PDK1: variants seen among roughly 807,000 people sequenced by gnomAD.
PDK1 encodes the protein pyruvate dehydrogenase kinase 1, also known as [Pyruvate dehydrogenase (acetyl-transferring)] kinase isozyme 1, mitochondrial.
PDK1 carries 39 observed loss-of-function variants against 54.2 expected under a neutral mutation model. That is an observed-to-expected ratio of 0.72 (90% CI 0.56 to 0.94). PDK1 has a LOEUF of 0.94. Among genes scored for constraint, PDK1 ranks in the 40% least tolerant of loss-of-function variants. The probability of loss-of-function intolerance (pLI) is 0.00; values close to 1 mark genes in which losing one functional copy is unlikely to be tolerated. For missense variants in PDK1, 552 were observed against 566.0 expected (o/e 0.98, Z 0.25); for synonymous variants, 221 against 207.1 (o/e 1.07, Z -0.58).
chr2:172,562,226 C>T lies in PDK1; in HGVS notation c.345C>T (p.Ile115=), dbSNP rs749151496. 5 of 1,568,724 alleles carry T rather than the reference C, an allele frequency of 3.2e-6. No homozygotes were observed. In the African/African-American group the frequency reaches 5.4e-5, roughly 17 times the overall value. ...CTATTGATCTGCATTTTAGGTATAT[C>T]CAGAGTCTTCAGGAGCTTCTTGATT... ...PSVQLVQSWY[I]QSLQELLDFK... is the part of the protein sequence containing the mutation. The change falls in exon 3 of 11, where the codon ATC becomes ATT. Residue 115 remains isoleucine, a synonymous_variant. Coordinates refer to ENST00000282077, the MANE Select transcript of PDK1 (RefSeq NM_002610.5).
chr2:172,595,391 C>T (rs755870478), intron 10 of PDK1, among the ~76,000 whole-genome samples: 20 of 151,996 alleles, frequency 1.3e-4, no homozygotes, highest in Non-Finnish European at 2.2e-4. Flanking sequence ...TTTTTTAAAG[C>T]ACAGTGACTA....
At chr2:172,687,022 C>T in the PDK1 span, among the ~76,000 whole-genome samples, 1 of 152,084 alleles carries the variant, frequency 6.6e-6, no homozygotes, top group African/African-American at 2.4e-5. Flanking sequence ...GGAATATAAG[C>T]ACTTTTTGTA....
At chr2:172,668,894 C>CACACACACAT in the PDK1 span, among the ~76,000 whole-genome samples, 17 of 113,192 alleles carry the variant, frequency 1.5e-4, no homozygotes, top group East Asian at 6.7e-3. Context: ...CACACACACA[C>CACACACACAT]ATATATATAT....
In PDK1 at chr2:172,568,351, G is replaced by A. The variant is rs374084105; in HGVS notation, c.770-390G>A. Among the ~76,000 whole-genome samples, 780 of 119,480 alleles carry A rather than the reference G, an allele frequency of 6.5e-3. 8 individuals carry two copies. Among genetic ancestry groups the A allele is most frequent in the African/African-American group, 0.025 (694 of 28,122 alleles). The allele number at this position is 119,480 out of a possible 152,430, so 78.4% of individuals were successfully genotyped here. A position where few individuals can be genotyped will look rare whatever the true frequency, so the allele number is the denominator to read the frequency against. Reference sequence around the variant, plus strand: ...TCAAAAAAAAAAAAAAAAAAAAAAAGAAGAAGAAGAATGTATGCATGCATG... The same window carrying A: ...TCAAAAAAAAAAAAAAAAAAAAAAAAAAGAAGAAGAATGTATGCATGCATG... On this transcript the variant is annotated intron_variant, in intron 6 of 10. Transcript: ENST00000282077.
chr2:172,571,745 G>C (rs1006567886), intron 8 of PDK1, among the ~76,000 whole-genome samples: 5 of 150,850 alleles, frequency 3.3e-5, no homozygotes, highest in Admixed American at 3.3e-4. Flanking sequence ...AATAAATGCA[G>C]AGACTATAAA....
chr2:172,558,929 CTT>C, intron 2 of PDK1, 80 bp downstream of exon 2: 2 of 1,326,954 alleles, frequency 1.5e-6, no homozygotes, highest in Non-Finnish European at 2.1e-6. Context: ...TTTTTTTACT[CTT>C]TGGTGGAATC....
chr2:172,561,431 A>G (rs1391145629), intron 2 of PDK1, among the ~76,000 whole-genome samples: 1 of 152,238 alleles, frequency 6.6e-6, no homozygotes, highest in Non-Finnish European at 1.5e-5. Context: ...AAGCACTTCC[A>G]TTGCTCCTAG....
At chr2:172,694,839 G>A in the PDK1 span, among the ~76,000 whole-genome samples, 8 of 152,284 alleles carry the variant, frequency 5.3e-5, no homozygotes, top group African/African-American at 1.7e-4. Flanking sequence ...TTGGTAGGCC[G>A]GGCATGGTGG....
chr2:172,581,058 A>G (rs1689876586), intron 8 of PDK1, among the ~76,000 whole-genome samples: 1 of 151,914 alleles, frequency 6.6e-6, no homozygotes, highest in South Asian at 2.1e-4. Context: ...CCATTCAATT[A>G]TATACTTTAA....
In PDK1 at chr2:172,601,822, G is replaced by A. The variant is rs1160667759; in HGVS notation, c.*5853G>A. 1 of 152,034 alleles carries A rather than the reference G, an allele frequency of 6.6e-6. No homozygotes were observed. The highest frequency in any genetic ancestry group is 2.4e-5 in the African/African-American group (1 of 41,388). The allele number at this position is 152,034 out of a possible 1,614,324, so 9.4% of individuals were successfully genotyped here. On this transcript the variant is annotated 3_prime_UTR_variant, in exon 11 of 11. Coordinates refer to ENST00000282077, the MANE Select transcript of PDK1 (RefSeq NM_002610.5). ...AAACCTCCAGTCAGGAAAGGAAAAG[G>A]CCCAAATAAACAGTATTTAGATTTT... is the stretch of plus-strand genomic sequence containing the variant.
chr2:172,619,050 C>A, the PDK1 span, among the ~76,000 whole-genome samples: 1 of 152,188 alleles, frequency 6.6e-6, no homozygotes, highest in African/African-American at 2.4e-5. Flanking sequence ...GCAGGTTTTT[C>A]TTCCTAGTAC....
At chr2:172,636,277 G>A in the PDK1 span, among the ~76,000 whole-genome samples, 3 of 152,316 alleles carry the variant, frequency 2.0e-5, no homozygotes, top group South Asian at 6.2e-4. Flanking sequence ...TATGGCACTA[G>A]CATCTGCTTC....
At chr2:172,623,114 C>T in the PDK1 span, among the ~76,000 whole-genome samples, 1 of 151,206 alleles carries the variant, frequency 6.6e-6, no homozygotes, top group African/African-American at 2.4e-5. Context: ...CATGCCACTG[C>T]ACTCCAGCCT....
At chr2:172,691,007 A>G in the PDK1 span, among the ~76,000 whole-genome samples, 4 of 150,462 alleles carry the variant, frequency 2.7e-5, 1 homozygote, top group East Asian at 8.3e-4. Flanking sequence ...ATAAAAATAA[A>G]TAAATAAAAG....
chr2:172,714,654 C>T, the PDK1 span, among the ~76,000 whole-genome samples: 1 of 151,970 alleles, frequency 6.6e-6, no homozygotes, highest in African/African-American at 2.4e-5. Flanking sequence ...GTTACTAGAA[C>T]TATATCTCTT....
the PDK1 span, among the ~76,000 whole-genome samples, chr2:172,711,306 T>C: frequency 6.6e-6 from 1 of 152,216 alleles, no homozygotes; most frequent in Non-Finnish European, 1.5e-5. Context: ...TCAGAGATAG[T>C]GCATTAATCT....
chr2:172,653,049 C>T, the PDK1 span, among the ~76,000 whole-genome samples: 2 of 152,192 alleles, frequency 1.3e-5, no homozygotes, highest in African/African-American at 4.8e-5. Context: ...CTGGAGGCAT[C>T]ACGCTACCTG....
the PDK1 span, among the ~76,000 whole-genome samples, chr2:172,675,565 C>A: frequency 6.6e-6 from 1 of 152,188 alleles, no homozygotes; most frequent in African/African-American, 2.4e-5. Flanking sequence ...CCCTAACTCT[C>A]TTCAATTCTA....
At chr2:172,630,620 C>T in the PDK1 span, among the ~76,000 whole-genome samples, 1 of 134,012 alleles carries the variant, frequency 7.5e-6, no homozygotes. Context: ...CTATTTTTTA[C>T]CCTCTAATGG....
Sources: allele counts gnomAD v4.1 joint callset (sites outside exome capture counted in the v4.1 genomes callset), GRCh38; gene constraint gnomAD v4.1.1; transcripts MANE v1.5; gene names NCBI Gene and HGNC (gene_info 2026-07-23, HGNC 2026-07-21).